Variants in ZFP3 observed in about 807,000 individuals in gnomAD.
The protein encoded by ZFP3 is ZFP3 zinc finger protein, also known as zinc finger protein 3 homolog.
A neutral mutation model predicts 36.7 loss-of-function variants in ZFP3; 18 were observed. The ratio of observed to expected loss-of-function variants is 0.49; its 90% CI spans 0.34 to 0.73. The LOEUF is 0.73. Ranked by LOEUF, ZFP3 falls within the 30% of genes least tolerant of loss-of-function variation. The probability of loss-of-function intolerance (pLI) is 0.01; values close to 1 mark genes in which losing one functional copy is unlikely to be tolerated. For missense variants in ZFP3, 495 were observed against 599.0 expected, an observed-to-expected ratio of 0.83 and a Z score of 1.81; for synonymous variants, 218 against 199.0, an observed-to-expected ratio of 1.10 and a Z score of -0.81.
rs944753824 is a variant in ZFP3, at chr17:5,093,727, C to T, written c.*714C>T. 2 of 167,134 alleles carry T rather than the reference C, an allele frequency of 1.2e-5. No homozygotes were observed. Among genetic ancestry groups the T allele is most frequent in the African/African-American group, 4.8e-5 (2 of 41,466 alleles). 10.4% of individuals were successfully genotyped at this position (167,134 alleles called of 1,614,324 possible). A position where few individuals can be genotyped will look rare whatever the true frequency, so the allele number is the denominator to read the frequency against. On this transcript the variant is annotated 3_prime_UTR_variant, in exon 2 of 2. Coordinates refer to ENST00000318833, the MANE Select transcript of ZFP3 (RefSeq NM_153018.3). ...GGCAGCATTAATGAAGAAGCAGGCT[C>T]ATTTCACATCTGTCAGGCTTCCTTA...
At chr17:5,087,206 G>A (rs530790129) in intron 1 of ZFP3, among the ~76,000 whole-genome samples, 3 of 147,906 alleles carry the variant, frequency 2.0e-5, no homozygotes, top group African/African-American at 5.0e-5. Context: ...TCAGCTTCCC[G>A]AGTAGCTGGA....
At chr17:5,089,770 C>T (rs974517782) in intron 1 of ZFP3, among the ~76,000 whole-genome samples, 2 of 152,028 alleles carry the variant, frequency 1.3e-5, no homozygotes, top group South Asian at 2.1e-4. Context: ...ACCCTCCTAC[C>T]TCAGCCTCCC....
intron 1 of ZFP3, among the ~76,000 whole-genome samples, chr17:5,085,030 G>A (rs1189730126): frequency 1.3e-5 from 2 of 152,118 alleles, no homozygotes; most frequent in Non-Finnish European, 2.9e-5. Flanking sequence ...GTAAGATTTA[G>A]TGGGGGAAGG....
intron 1 of ZFP3, among the ~76,000 whole-genome samples, chr17:5,081,751 G>A (rs897570952): frequency 2.6e-5 from 4 of 151,304 alleles, no homozygotes; most frequent in Non-Finnish European, 4.4e-5. Context: ...ACAGGTGCCT[G>A]CCACCACGCC....
rs559043117 is a variant in ZFP3, at chr17:5,094,451, A to C, written c.*1438A>C. On this transcript the variant is annotated 3_prime_UTR_variant, in exon 2 of 2. Coordinates refer to ENST00000318833, the MANE Select transcript of ZFP3 (RefSeq NM_153018.3). ...CATTTTCCATGTGTCCATGTTTCTGAGGCCGTGGGTGACAGTGGGAATTGC... is the reference window on the plus strand; with the variant it reads ...CATTTTCCATGTGTCCATGTTTCTGCGGCCGTGGGTGACAGTGGGAATTGC... The C allele has an allele frequency of 6.0e-6, 1 of 167,180 alleles. No homozygotes were observed. Among genetic ancestry groups the C allele is most frequent in the East Asian group, 1.9e-4 (1 of 5,184 alleles). The allele number at this position is 167,180 out of a possible 1,614,324, so 10.4% of individuals were successfully genotyped here.
intron 1 of ZFP3, among the ~76,000 whole-genome samples, chr17:5,088,563 C>T (rs2072133105): frequency 1.3e-5 from 2 of 151,318 alleles, no homozygotes; most frequent in African/African-American, 4.9e-5. Context: ...ATCCTCCCGC[C>T]TTGGCCTCCC....
At chr17:5,089,341 T>G (rs36046323) in intron 1 of ZFP3, among the ~76,000 whole-genome samples, 1 of 152,000 alleles carries the variant, frequency 6.6e-6, no homozygotes, top group South Asian at 2.1e-4. Flanking sequence ...AGCTATCACA[T>G]CATGCTCTGG....
At chr17:5,085,217 GT>G (rs1042032134) in intron 1 of ZFP3, among the ~76,000 whole-genome samples, 1 of 151,426 alleles carries the variant, frequency 6.6e-6, no homozygotes. Flanking sequence ...TTTTTTGTGT[GT>G]TTTTTTTAGT....
At position 5,091,498 on chromosome 17, in the gene ZFP3, T is replaced by C. The variant is rs1246638565; in HGVS notation, c.-7T>C. ...ACATACTTACCTCTCTCATTTCAGA[T>C]TGTGAGATGGGGACTGAGAACAAGG... On this transcript the variant is annotated splice_region_variant and 5_prime_UTR_variant, in exon 2 of 2. Coordinates refer to ENST00000318833, the MANE Select transcript of ZFP3 (RefSeq NM_153018.3). 6.2e-7 allele frequency: 1 copy of C among 1,611,902 alleles called. No individual in the cohort carries two copies. Among genetic ancestry groups the C allele is most frequent in the African/African-American group, 1.3e-5 (1 of 74,822 alleles).
Position 5,092,691 on chromosome 17 carries a change from T to A in ZFP3, c.1187T>A (p.Phe396Tyr), listed in dbSNP as rs2072156900. 6.2e-7 allele frequency: 1 copy of A among 1,612,808 alleles called. No individual in the cohort carries two copies. Among genetic ancestry groups the A allele is most frequent in the Non-Finnish European group, 8.5e-7 (1 of 1,179,662 alleles). ...ACTGGAGAGAAACCCTATGAATGCT[T>A]TGAGTGTGGAAAGGCTTTCAGGCGG... is the stretch of plus-strand genomic sequence containing the variant. Reference protein sequence around the residue: ...IHTGEKPYECFECGKAFRRTS... With the variant: ...IHTGEKPYECYECGKAFRRTS... Residue 396 changes from phenylalanine (F) to tyrosine (Y), a missense_variant, in exon 2 of 2, where the codon TTT becomes TAT. Around this residue, in one of 3 missense-constraint regions of ZFP3, gnomAD observed 163 missense variants for 178.4 expected, o/e 0.91. Transcript: ENST00000318833. This position sits in a 1 kb window ranked among gnomAD's most constrained non-coding sequence, Gnocchi z 5.0.
rs1477187728 is a variant in ZFP3, at chr17:5,093,750, T to C, written c.*737T>C. 6.0e-6 allele frequency: 1 copy of C among 167,106 alleles called. No individual in the cohort carries two copies. The highest frequency in any genetic ancestry group is 2.1e-4 in the South Asian group (1 of 4,834). 10.4% of individuals were successfully genotyped at this position (167,106 alleles called of 1,614,324 possible). A position where few individuals can be genotyped will look rare whatever the true frequency, so the allele number is the denominator to read the frequency against. ...CTCATTTCACATCTGTCAGGCTTCCTTATTCATCTGAAGAGGCTGCCATGA... is the reference window on the plus strand; with the variant it reads ...CTCATTTCACATCTGTCAGGCTTCCCTATTCATCTGAAGAGGCTGCCATGA... On this transcript the variant is annotated 3_prime_UTR_variant, in exon 2 of 2. Transcript: ENST00000318833.
At chr17:5,084,443 T>C (rs2072110541) in intron 1 of ZFP3, among the ~76,000 whole-genome samples, 2 of 118,298 alleles carry the variant, frequency 1.7e-5, no homozygotes, top group African/African-American at 3.3e-5. Context: ...GCCCGGCTAA[T>C]TTTTTGTATT....
At chr17:5,080,212 C>T (rs1429233217) in intron 1 of ZFP3, among the ~76,000 whole-genome samples, 1 of 152,152 alleles carries the variant, frequency 6.6e-6, no homozygotes, top group African/African-American at 2.4e-5. Context: ...ATGGTTCTCT[C>T]AGGATGGCAG....
Position 5,090,012 on chromosome 17 carries a change from G to A in ZFP3, c.-8-1485G>A, listed in dbSNP as rs1044281959. 1.1e-4 allele frequency among the ~76,000 whole-genome samples: 16 copies of A among 152,142 alleles called. No homozygotes were observed. The South Asian group carries it at 1.2e-3, about 12-fold the overall frequency. The stretch of plus-strand genomic sequence containing the variant: ...GGTATTAAGAAAATACTATAAGAGA[G>A]CTGATTACAAAATTAATATGTAATG... On this transcript the variant is annotated intron_variant, in intron 1 of 1. Transcript: ENST00000318833.
chr17:5,084,801 G>A (rs992111998), intron 1 of ZFP3, among the ~76,000 whole-genome samples: 2 of 152,128 alleles, frequency 1.3e-5, no homozygotes, highest in Non-Finnish European at 2.9e-5. Context: ...AGTGAGAAAC[G>A]GAAAGATAGA....
chr17:5,084,623 A>C (rs2072111907), intron 1 of ZFP3, among the ~76,000 whole-genome samples: 1 of 152,086 alleles, frequency 6.6e-6, no homozygotes, highest in Non-Finnish European at 1.5e-5. Flanking sequence ...TGAAAAGACA[A>C]ATTTAGGTCT....
At position 5,089,314 on chromosome 17, in the gene ZFP3, G is replaced by A. The variant is rs149379248; in HGVS notation, c.-8-2183G>A. ...TCCTAGGCTATGCCAGTATACTCAT[G>A]GTCCAGGATGGTGTCCAGCTATCAC... is the stretch of plus-strand genomic sequence containing the variant. On this transcript the variant is annotated intron_variant, in intron 1 of 1. Transcript: ENST00000318833. 1.3e-3 allele frequency among the ~76,000 whole-genome samples: 191 copies of A among 152,290 alleles called. 1 individual carries two copies. The highest frequency in any genetic ancestry group is 3.4e-3 in the Middle Eastern group (1 of 294).
chr17:5,088,476 CTTTTTT>C (rs71149522), intron 1 of ZFP3, among the ~76,000 whole-genome samples: 1 of 131,312 alleles, frequency 7.6e-6, no homozygotes, highest in Non-Finnish European at 1.6e-5. Flanking sequence ...CTACTGCTTT[CTTTTTT>C]TTTTTTTTTT....
In ZFP3 at chr17:5,091,871, C is replaced by T; in HGVS notation, c.367C>T (p.Leu123=). The T allele has an allele frequency of 6.2e-7, 1 of 1,614,164 alleles. No homozygotes were observed. Among genetic ancestry groups the T allele is most frequent in the African/African-American group, 1.3e-5 (1 of 75,046 alleles). The change falls in exon 2 of 2, where the codon CTA becomes TTA. Residue 123 remains leucine, a synonymous_variant. Transcript: ENST00000318833. The part of the protein sequence containing the change: ...SAFATSGQNF[L]EILESNKTQR... ...ATTTGCTACCTCTGGCCAAAACTTCCTAGAGATTTTAGAATCTAACAAAAC... is the reference window on the plus strand; with the variant it reads ...ATTTGCTACCTCTGGCCAAAACTTCTTAGAGATTTTAGAATCTAACAAAAC...
Sources: gnomAD v4.1 joint callset for allele counts (sites outside exome capture counted in the v4.1 genomes callset) on GRCh38, gnomAD v4.1.1 for gene constraint, gnomAD v4.1.1 regional missense constraint, Gnocchi (gnomAD v3.1) non-coding constraint, MANE v1.5 for transcripts, NCBI Gene and HGNC (gene_info 2026-07-23, HGNC 2026-07-21) for gene names.